The following EIF4ENIF1 variants were observed in gnomAD, a reference collection of about 807,000 sequenced individuals.
The protein encoded by EIF4ENIF1 is eukaryotic translation initiation factor 4E transporter.
In EIF4ENIF1, 23 loss-of-function variants were observed where a neutral mutation model predicts 110.5. That is an observed-to-expected ratio of 0.21 (90% CI 0.15 to 0.29). The LOEUF (loss-of-function observed/expected upper bound fraction) is 0.29. Among genes scored for constraint, EIF4ENIF1 ranks in the 10% least tolerant of loss-of-function variants. The probability of loss-of-function intolerance (pLI) is 1.00; values close to 1 mark genes in which losing one functional copy is unlikely to be tolerated. For missense variants in EIF4ENIF1, 1,031 were observed against 1,221.1 expected (o/e 0.84, Z 2.32); for synonymous variants, 440 against 437.0 (o/e 1.01, Z -0.09).
chr22:31,445,957 C>CCG (rs1050395238), intron 14 of EIF4ENIF1, among the ~76,000 whole-genome samples: 2 of 146,366 alleles, frequency 1.4e-5, no homozygotes, highest in Admixed American at 6.8e-5. Flanking sequence ...CGTACCGCCC[C>CCG]CCCCCCCCAT....
intron 7 of EIF4ENIF1, among the ~76,000 whole-genome samples, 141 bp downstream of exon 7, chr22:31,458,319 TAAGCCTCTCAAAACA>T (rs1289032963): frequency 5.3e-5 from 8 of 151,968 alleles, no homozygotes; most frequent in Admixed American, 2.0e-4. Context: ...TATTATCCAT[TAAGCCTCTCAAAACA>T]AAGCCAACAA....
intron 2 of EIF4ENIF1, among the ~76,000 whole-genome samples, chr22:31,486,565 G>C (rs757817666): frequency 3.3e-5 from 5 of 151,626 alleles, no homozygotes; most frequent in Non-Finnish European, 7.4e-5. Context: ...AATCACTTGA[G>C]TTCAGGATTT....
intron 2 of EIF4ENIF1, among the ~76,000 whole-genome samples, chr22:31,482,641 C>T (rs1043036007): frequency 3.3e-5 from 5 of 151,452 alleles, no homozygotes; most frequent in African/African-American, 7.3e-5. Context: ...AAGATTGCAA[C>T]ACTGCACTCC....
Position 31,465,380 on chromosome 22 carries a change from C to T in EIF4ENIF1, c.299-1413G>A, listed in dbSNP as rs529706680. On this transcript the variant is annotated intron_variant, in intron 4 of 18. Coordinates refer to ENST00000330125, the MANE Select transcript of EIF4ENIF1 (RefSeq NM_019843.4). ...AAAATAGACAAATGGTTTGAACAGA[C>T]ACTTCACCAAAGAGGTTATGTGGAA... is the stretch of plus-strand genomic sequence containing the variant. 1.3e-4 allele frequency among the ~76,000 whole-genome samples: 19 copies of T among 148,808 alleles called. No homozygotes were observed. The South Asian group carries it at 3.8e-3, about 30-fold the overall frequency.
chr22:31,444,004 C>T (rs1426671731), intron 15 of EIF4ENIF1, among the ~76,000 whole-genome samples: 1 of 152,020 alleles, frequency 6.6e-6, no homozygotes, highest in Non-Finnish European at 1.5e-5. Flanking sequence ...CACTAGGTTG[C>T]CCAGTCTGGT....
rs2052138400 is a variant in EIF4ENIF1 at position 31,488,698 on chromosome 22, A to T, written c.21T>A (p.Gly7=). The change falls in exon 2 of 19, where the codon GGT becomes GGA. Residue 7 remains glycine, a synonymous_variant. Coordinates refer to ENST00000330125, the MANE Select transcript of EIF4ENIF1 (RefSeq NM_019843.4). The part of the protein sequence containing the change: MDRRSM[G]ETESGDAFLD... ...GGAAAGCATCTCCACTTTCTGTTTC[A>T]CCCATACTTCTCCTATCCATGGCTC... 6.2e-7 allele frequency: 1 copy of T among 1,613,960 alleles called. No homozygotes were observed. Among genetic ancestry groups the T allele is most frequent in the Non-Finnish European group, 8.5e-7 (1 of 1,180,000 alleles).
Position 31,455,132 on chromosome 22 carries a change from T to C in EIF4ENIF1, c.1279+4A>G. On this transcript the variant is annotated splice_donor_region_variant and intron_variant, in intron 9 of 18. Coordinates refer to ENST00000330125, the MANE Select transcript of EIF4ENIF1 (RefSeq NM_019843.4). ...ATCTAAAACAGATATTCATAAACACTTACAGCTTTCTTTAAGTTTTTCTTT... is the reference window on the plus strand; with the variant it reads ...ATCTAAAACAGATATTCATAAACACCTACAGCTTTCTTTAAGTTTTTCTTT... 1 of 1,608,488 alleles carries C rather than the reference T, an allele frequency of 6.2e-7. No homozygotes were observed. The highest frequency in any genetic ancestry group is 2.2e-5 in the East Asian group (1 of 44,830).
intron 6 of EIF4ENIF1, among the ~76,000 whole-genome samples, chr22:31,460,169 A>G (rs371483356): frequency 1.3e-5 from 2 of 152,238 alleles, no homozygotes; most frequent in African/African-American, 2.4e-5. Context: ...ACTGTGTGAT[A>G]GCACAAAGAT....
chr22:31,460,388 C>T (rs982932194), intron 6 of EIF4ENIF1, among the ~76,000 whole-genome samples: 2 of 152,194 alleles, frequency 1.3e-5, no homozygotes, highest in Non-Finnish European at 2.9e-5. Flanking sequence ...AATCTCAGCA[C>T]TTTGGGAGGC....
At chr22:31,446,994 A>G (rs1051390630) in intron 14 of EIF4ENIF1, 5 of 469,174 alleles carry the variant, frequency 1.1e-5, no homozygotes, top group African/African-American at 1.0e-4. Context: ...AGGGAGTTTG[A>G]TAAGAACATT....
intron 2 of EIF4ENIF1, among the ~76,000 whole-genome samples, chr22:31,476,169 C>T (rs940614520): frequency 1.3e-5 from 2 of 152,128 alleles, no homozygotes; most frequent in African/African-American, 4.8e-5. Flanking sequence ...TATCACATAT[C>T]CCCTTACTAC....
rs750697470 is a variant in EIF4ENIF1 at position 31,450,843 on chromosome 22, CTACACACA to C, written c.1513-491_1513-484del. 3 of 96,934 alleles carry C rather than the reference CTACACACA, an allele frequency of 3.1e-5. No homozygotes were observed. The South Asian group carries it at 8.0e-4, about 26-fold the overall frequency. The allele number at this position is 96,934 out of a possible 1,614,324, so 6.0% of individuals were successfully genotyped here. On this transcript the variant is annotated intron_variant, in intron 10 of 18. Transcript: ENST00000330125. ...ACATACATACACACATATATATATA[CTACACACA>C]CACACACACACACACACACACACAC...
At chr22:31,448,781 A>G (rs2050556687) in intron 12 of EIF4ENIF1, among the ~76,000 whole-genome samples, 2 of 152,242 alleles carry the variant, frequency 1.3e-5, no homozygotes, top group South Asian at 4.1e-4. Context: ...CAGATTGTCT[A>G]TCAAAACTCA....
At chr22:31,442,139 A>G (rs1318720808) in intron 16 of EIF4ENIF1, 21 bp from the exon 17 acceptor site, 1 of 1,575,242 alleles carries the variant, frequency 6.3e-7, no homozygotes, top group South Asian at 1.2e-5. Flanking sequence ...CCAAACAAAA[A>G]ATATTTTGGC....
chr22:31,447,441 T>G lies in EIF4ENIF1; in HGVS notation c.1973A>C (p.Asp658Ala). ...AGTAATTTACCTGTTTCTGAATCCA[T>G]CTCTGGTTCTGTCCACCTGTGGTTT... ...FGKPQVDRTR[D>A]GFRNRQQRVT... The change falls in exon 14 of 19, where the codon GAT becomes GCT. Residue 658 changes from aspartate to alanine, a missense_variant. Asp to Ala is a moderately radical substitution (Grantham distance 126). Transcript: ENST00000330125. The G allele has an allele frequency of 6.2e-7, 1 of 1,611,962 alleles. No individual in the cohort carries two copies. The highest frequency in any genetic ancestry group is 8.5e-7 in the Non-Finnish European group (1 of 1,179,660).
intron 17 of EIF4ENIF1, 83 bp from the exon 18 acceptor site, chr22:31,440,951 C>G (rs1476296333): frequency 6.4e-7 from 1 of 1,551,872 alleles, no homozygotes; most frequent in Non-Finnish European, 8.7e-7. Flanking sequence ...TTTTGCTGAT[C>G]TGGAAGTTTG....
At position 31,480,716 on chromosome 22, in the gene EIF4ENIF1, T is replaced by C. The variant is rs1021047824; in HGVS notation, c.96+7907A>G. Among the ~76,000 whole-genome samples the C allele has an allele frequency of 7.3e-5, 11 of 150,078 alleles. No homozygotes were observed. In the South Asian group the frequency reaches 1.7e-3, roughly 23 times the overall value. The stretch of plus-strand genomic sequence containing the variant: ...GTTGTGGTGAGCCAAGATCACGCCA[T>C]TGCACTCCAGCCTGGGCAACAGGAA... On this transcript the variant is annotated intron_variant, in intron 2 of 18. Coordinates refer to ENST00000330125, the MANE Select transcript of EIF4ENIF1 (RefSeq NM_019843.4).
At chr22:31,464,638 T>C (rs1200311123) in intron 4 of EIF4ENIF1, among the ~76,000 whole-genome samples, 9 of 123,370 alleles carry the variant, frequency 7.3e-5, no homozygotes, top group African/African-American at 2.6e-4. Context: ...GTCACCCCGC[T>C]ACACTGTAGC....
At position 31,483,075 on chromosome 22, in the gene EIF4ENIF1, T is replaced by C. The variant is rs373607113; in HGVS notation, c.96+5548A>G. ...CATGGATCTGAATAGTGGGATGGCC[T>C]AAAACATTTCTATTTTGTATTTCAA... On this transcript the variant is annotated intron_variant, in intron 2 of 18. Transcript: ENST00000330125. Among the ~76,000 whole-genome samples the C allele has an allele frequency of 3.5e-4, 53 of 150,746 alleles. No homozygotes were observed. In the South Asian group the frequency reaches 0.011, roughly 31 times the overall value.
Sources: allele counts gnomAD v4.1 joint callset (sites outside exome capture counted in the v4.1 genomes callset), GRCh38; gene constraint gnomAD v4.1.1; transcripts MANE v1.5; gene names NCBI Gene and HGNC (gene_info 2026-07-23, HGNC 2026-07-21).